The following PDE9A variants were observed in gnomAD, a reference collection of about 807,000 sequenced individuals.
PDE9A encodes the protein phosphodiesterase 9A, also known as high affinity cGMP-specific 3',5'-cyclic phosphodiesterase 9A.
A neutral mutation model predicts 87.4 loss-of-function variants in PDE9A; 60 were observed. The observed-to-expected ratio is 0.69, with a 90% CI of 0.56 to 0.85. The LOEUF (loss-of-function observed/expected upper bound fraction) is 0.85, where lower values mean the gene tolerates loss of function less well. PDE9A is among the 40% of genes least tolerant of loss of function. The pLI is 0.00. For missense variants in PDE9A, 665 were observed against 779.0 expected, an observed-to-expected ratio of 0.85 and a Z score of 1.74; for synonymous variants, 272 against 279.4, an observed-to-expected ratio of 0.97 and a Z score of 0.27.
At chr21:42,720,290 T>C (rs1162239784) in intron 4 of PDE9A, among the ~76,000 whole-genome samples, 3 of 152,054 alleles carry the variant, frequency 2.0e-5, no homozygotes, top group African/African-American at 7.2e-5. Context: ...GGTTGGGAGT[T>C]CGAGACCAGC....
In PDE9A at chr21:42,769,540, A is replaced by C. The variant is rs984234251; in HGVS notation, c.1590+385A>C. Among the ~76,000 whole-genome samples, 36 of 134,814 alleles carry C rather than the reference A, an allele frequency of 2.7e-4. No individual in the cohort carries two copies. In the Admixed American group the frequency reaches 2.7e-3, roughly 10 times the overall value. The allele number at this position is 134,814 out of a possible 152,430, so 88.4% of individuals were successfully genotyped here. A position where few individuals can be genotyped will look rare whatever the true frequency, so the allele number is the denominator to read the frequency against. On this transcript the variant is annotated intron_variant, in intron 17 of 19. Coordinates refer to ENST00000291539, the MANE Select transcript of PDE9A (RefSeq NM_002606.3). ...ACAAGGCACACAGGCACACACAGGC[A>C]CACAAATGCACACACAGGCACACAC...
intron 4 of PDE9A, among the ~76,000 whole-genome samples, chr21:42,699,415 C>T (rs2060319403): frequency 6.6e-6 from 1 of 152,262 alleles, no homozygotes; most frequent in Non-Finnish European, 1.5e-5. Context: ...GGGCGGCATC[C>T]ACTCTGGTCT....
chr21:42,730,269 C>T (rs1215299175), intron 4 of PDE9A, among the ~76,000 whole-genome samples: 1 of 152,172 alleles, frequency 6.6e-6, no homozygotes, highest in Non-Finnish European at 1.5e-5. Flanking sequence ...TTCTGGCTGA[C>T]ATTTTTACGC....
intron 1 of PDE9A, among the ~76,000 whole-genome samples, chr21:42,684,878 C>T (rs998060211): frequency 1.7e-4 from 26 of 151,172 alleles, no homozygotes; most frequent in African/African-American, 6.4e-4. Flanking sequence ...TTATTGTTGC[C>T]AGTTCAGCAG....
At chr21:42,663,883 A>G (rs2057775932) in intron 1 of PDE9A, among the ~76,000 whole-genome samples, 1 of 152,154 alleles carries the variant, frequency 6.6e-6, no homozygotes. Flanking sequence ...GGACTCTGGA[A>G]TCTCCCAGGT....
intron 6 of PDE9A, 106 bp from the exon 7 acceptor site, chr21:42,733,250 C>T (rs2146740375): frequency 1.4e-6 from 1 of 706,612 alleles, no homozygotes; most frequent in East Asian, 2.6e-5. Flanking sequence ...ACCTAGAGGC[C>T]TTGCCCATGC....
chr21:42,669,635 C>A (rs1052631446), intron 1 of PDE9A, among the ~76,000 whole-genome samples: 2 of 152,216 alleles, frequency 1.3e-5, no homozygotes, highest in Non-Finnish European at 2.9e-5. Context: ...AATCAGCAGA[C>A]TGAGGCTGGA....
chr21:42,752,789 A>G (rs752742105), intron 9 of PDE9A, among the ~76,000 whole-genome samples: 1 of 152,240 alleles, frequency 6.6e-6, no homozygotes, highest in Non-Finnish European at 1.5e-5. Context: ...TGTCTTCTGT[A>G]TAGAACCACA....
chr21:42,694,813 G>A lies in PDE9A; in HGVS notation c.219-4155G>A, dbSNP rs936597848. On this transcript the variant is annotated intron_variant, in intron 3 of 19. Coordinates refer to ENST00000291539, the MANE Select transcript of PDE9A (RefSeq NM_002606.3). The surrounding 1 kb of genome is among the most constrained non-coding windows in gnomAD (Gnocchi z 5.3). Reference sequence around the variant, plus strand: ...CCAGCATGGAGTTCTCCAGTGGCCTGTTGGCTACAGGACACTCTCCAGCCC... The same window carrying A: ...CCAGCATGGAGTTCTCCAGTGGCCTATTGGCTACAGGACACTCTCCAGCCC... Among the ~76,000 whole-genome samples the A allele has an allele frequency of 6.6e-6, 1 of 152,180 alleles. No individual in the cohort carries two copies. Among genetic ancestry groups the A allele is most frequent in the Non-Finnish European group, 1.5e-5 (1 of 68,038 alleles).
chr21:42,687,779 T>A, intron 2 of PDE9A, 138 bp from the exon 3 acceptor site: 1 of 679,284 alleles, frequency 1.5e-6, no homozygotes, highest in Non-Finnish European at 2.6e-6. Flanking sequence ...CTCCCACCCT[T>A]CCCATCCCAC....
At chr21:42,774,881 C>CAAAAAA (rs371603677) in intron 19 of PDE9A, among the ~76,000 whole-genome samples, 1 of 112,366 alleles carries the variant, frequency 8.9e-6, no homozygotes, top group Non-Finnish European at 1.8e-5. Context: ...GACTCCATCT[C>CAAAAAA]AAAAAAAAAA....
At chr21:42,674,919 A>C (rs938601897) in intron 1 of PDE9A, among the ~76,000 whole-genome samples, 1 of 152,230 alleles carries the variant, frequency 6.6e-6, no homozygotes, top group African/African-American at 2.4e-5. Flanking sequence ...TTCTAAGCTC[A>C]GCTTCCAGAG....
At position 42,670,773 on chromosome 21, in the gene PDE9A, ACT is replaced by A. The variant is rs539310808; in HGVS notation, c.70-15416_70-15415del. Reference sequence around the variant, plus strand: ...TACACTCACATTCACACGCACATACACTCTGACACACATATACATACATTCAC... The same window carrying A: ...TACACTCACATTCACACGCACATACACTGACACACATATACATACATTCAC... On this transcript the variant is annotated intron_variant, in intron 1 of 19. Coordinates refer to ENST00000291539, the MANE Select transcript of PDE9A (RefSeq NM_002606.3). Among the ~76,000 whole-genome samples the A allele has an allele frequency of 9.2e-3, 1,397 of 151,974 alleles. 30 individuals carry two copies. The highest frequency in any genetic ancestry group is 0.032 in the African/African-American group (1,337 of 41,406).
At chr21:42,731,694 GC>G (rs2051771970) in intron 4 of PDE9A, 75 bp from the exon 5 acceptor site, 5 of 1,401,362 alleles carry the variant, frequency 3.6e-6, no homozygotes, top group Non-Finnish European at 4.9e-6. Flanking sequence ...CCCAGTAATT[GC>G]CCCCATAAAA....
intron 4 of PDE9A, among the ~76,000 whole-genome samples, chr21:42,700,371 G>T (rs979743430): frequency 6.6e-6 from 1 of 152,134 alleles, no homozygotes; most frequent in Admixed American, 6.5e-5. Context: ...ATTTCACTTG[G>T]CTAAATACCT....
chr21:42,720,443 G>A (rs967755692), intron 4 of PDE9A, among the ~76,000 whole-genome samples: 3 of 152,044 alleles, frequency 2.0e-5, no homozygotes, highest in Non-Finnish European at 2.9e-5. Flanking sequence ...GCGGTGAGCC[G>A]AGATCATGCC....
intron 1 of PDE9A, among the ~76,000 whole-genome samples, chr21:42,674,280 C>CGA (rs1239070391): frequency 6.6e-6 from 1 of 150,948 alleles, no homozygotes. Flanking sequence ...ATCTGAGGGC[C>CGA]AGTAGGAAGT....
intron 4 of PDE9A, among the ~76,000 whole-genome samples, chr21:42,711,259 T>G (rs939535358): frequency 2.7e-5 from 2 of 74,540 alleles, no homozygotes; most frequent in Non-Finnish European, 3.1e-5. Flanking sequence ...ATAAGTTTTG[T>G]TTTTTTTTTT....
chr21:42,709,078 T>C (rs2049072045), intron 4 of PDE9A, among the ~76,000 whole-genome samples: 1 of 152,082 alleles, frequency 6.6e-6, no homozygotes, highest in African/African-American at 2.4e-5. Flanking sequence ...ATAGATTGGA[T>C]AAAGAAAATG....
Sources: allele counts gnomAD v4.1 joint callset (sites outside exome capture counted in the v4.1 genomes callset), GRCh38; gene constraint gnomAD v4.1.1; non-coding constraint Gnocchi (gnomAD v3.1); transcripts MANE v1.5; gene names NCBI Gene and HGNC (gene_info 2026-07-23, HGNC 2026-07-21).